Variants in C12orf50 observed in about 807,000 individuals in gnomAD.
C12orf50 encodes the protein zinc finger CCCH-type containing 11D.
In C12orf50, 35 loss-of-function variants were observed where a neutral mutation model predicts 61.6. That is an observed-to-expected ratio of 0.57 (90% CI 0.43 to 0.75). The LOEUF (loss-of-function observed/expected upper bound fraction) is 0.75. Among genes scored for constraint, C12orf50 ranks in the 30% least tolerant of loss-of-function variants. C12orf50 has a pLI of 0.00. For synonymous variants in C12orf50, 178 were observed against 161.5 expected, an observed-to-expected ratio of 1.10 and a Z score of -0.77; for missense variants, 475 against 488.5, an observed-to-expected ratio of 0.97 and a Z score of 0.26.
At chr12:88,023,626 C>T (rs1384840858) in intron 3 of C12orf50, among the ~76,000 whole-genome samples, 1 of 150,292 alleles carries the variant, frequency 6.7e-6, no homozygotes, top group Admixed American at 6.6e-5. Context: ...GGAGATCACA[C>T]CGTTGCACTC....
intron 11 of C12orf50, 140 bp from the exon 12 acceptor site, chr12:87,983,335 G>A (rs74825561): frequency 0.011 from 5,421 of 472,796 alleles, 248 homozygotes; most frequent in African/African-American, 0.1. Flanking sequence ...AGGCATCAGG[G>A]ATACAAGTGA....
At chr12:88,003,066 T>A (rs1226078647) in intron 3 of C12orf50, among the ~76,000 whole-genome samples, 3 of 151,864 alleles carry the variant, frequency 2.0e-5, no homozygotes, top group Non-Finnish European at 4.4e-5. Flanking sequence ...AATTGTATGT[T>A]TCTTAAAGGA....
intron 4 of C12orf50, 149 bp from the exon 5 acceptor site, chr12:87,996,795 T>C: frequency 1.7e-6 from 1 of 603,378 alleles, no homozygotes; most frequent in East Asian, 2.8e-5. Context: ...TACTAGTACA[T>C]GTTTCAAATT....
Position 87,994,541 on chromosome 12 carries a change from CA to C in C12orf50, c.592+91del, listed in dbSNP as rs146785448. On this transcript the variant is annotated intron_variant, in intron 7 of 12. Transcript: ENST00000298699. The stretch of plus-strand genomic sequence containing the variant: ...ACTCTTGTGTTAAACATGACATGGA[CA>C]AAAAAAGAAAATTAGTTGTAAAAGA... 15,801 of 1,023,372 alleles carry C rather than the reference CA, an allele frequency of 0.015. 1,274 individuals are homozygous for C. In the African/African-American group the frequency reaches 0.19, roughly 12 times the overall value. The allele number at this position is 1,023,372 out of a possible 1,614,324, so 63.4% of individuals were successfully genotyped here.
chr12:88,005,651 T>C (rs1294100956), intron 3 of C12orf50, among the ~76,000 whole-genome samples: 2 of 152,294 alleles, frequency 1.3e-5, no homozygotes, highest in Admixed American at 6.5e-5. Context: ...TATTTATTTA[T>C]TTTTTGGAGA....
intron 7 of C12orf50, among the ~76,000 whole-genome samples, chr12:87,993,766 C>A (rs2031245407): frequency 6.6e-6 from 1 of 152,202 alleles, no homozygotes; most frequent in African/African-American, 2.4e-5. Context: ...ATTTTCAAAA[C>A]AAACGCTTGG....
At chr12:88,021,984 T>A (rs572330231) in intron 3 of C12orf50, among the ~76,000 whole-genome samples, 7 of 151,194 alleles carry the variant, frequency 4.6e-5, no homozygotes, top group Non-Finnish European at 8.8e-5. Flanking sequence ...CCTCCCTAAC[T>A]CATTCTATGA....
chr12:87,998,065 C>T lies in C12orf50; in HGVS notation c.259G>A (p.Glu87Lys). 1 of 1,611,308 alleles carries T rather than the reference C, an allele frequency of 6.2e-7. No homozygotes were observed. Among genetic ancestry groups the T allele is most frequent in the African/African-American group, 1.3e-5 (1 of 74,962 alleles). Residue 87 changes from glutamate to lysine, a missense_variant, in exon 4 of 13, where the codon GAG becomes AAG. Glu to Lys is a moderately conservative substitution (Grantham distance 56, BLOSUM62 1). Transcript: ENST00000298699. ...TGTTCATCTACTTCCTCTTCTTCCT[C>T]AAAATTAGTTTTTAAAACTAAAGGA... ...HHPLVLKTNF[E>K]EEEEVDEQND...
intron 7 of C12orf50, among the ~76,000 whole-genome samples, chr12:87,991,369 G>T (rs1200576330): frequency 6.6e-6 from 1 of 152,088 alleles, no homozygotes; most frequent in African/African-American, 2.4e-5. Context: ...CAAACAGGAA[G>T]TTGCAAAAAA....
chr12:87,989,962 G>A (rs1213054927), intron 7 of C12orf50, among the ~76,000 whole-genome samples: 1 of 152,022 alleles, frequency 6.6e-6, no homozygotes, highest in African/African-American at 2.4e-5. Flanking sequence ...CCTTTACTGA[G>A]TACTTTAAAT....
chr12:87,987,955 T>G lies in C12orf50; in HGVS notation c.712A>C (p.Ser238Arg), dbSNP rs764331846. 6.3e-6 allele frequency: 10 copies of G among 1,593,524 alleles called. No homozygotes were observed. The highest frequency in any genetic ancestry group is 5.4e-5 in the African/African-American group (4 of 74,300). ...KCSNTKDNKDSPHPKHSLTTR... is the reference protein window; with the variant it reads ...KCSNTKDNKDRPHPKHSLTTR... ...GTTAGGGAATGCTTTGGATGAGGAC[T>G]GTCCTTGTTATCTTTTAAAGCAAAT... The change falls in exon 9 of 13, where the codon AGT becomes CGT. Residue 238 changes from serine to arginine, a missense_variant. Coordinates refer to ENST00000298699, the MANE Select transcript of C12orf50 (RefSeq NM_152589.3).
intron 11 of C12orf50, 48 bp downstream of exon 11, chr12:87,985,802 G>T (rs1184744360): frequency 6.3e-7 from 1 of 1,587,308 alleles, no homozygotes; most frequent in East Asian, 2.2e-5. Context: ...AATTCCATGG[G>T]AATGCAAACC....
chr12:88,008,652 C>A (rs1420472582), intron 3 of C12orf50, among the ~76,000 whole-genome samples: 1 of 152,004 alleles, frequency 6.6e-6, no homozygotes, highest in Non-Finnish European at 1.5e-5. Context: ...AAATATAACA[C>A]ATACACAGAA....
At chr12:88,017,169 A>C (rs1430707512) in intron 3 of C12orf50, among the ~76,000 whole-genome samples, 1 of 152,212 alleles carries the variant, frequency 6.6e-6, no homozygotes, top group Non-Finnish European at 1.5e-5. Context: ...CTTGAATTGT[A>C]ACTTCCCAAA....
chr12:88,026,899 T>G, intron 2 of C12orf50, 52 bp downstream of exon 2: 1 of 1,584,938 alleles, frequency 6.3e-7, no homozygotes, highest in Non-Finnish European at 8.6e-7. Flanking sequence ...TAATTCAGCA[T>G]TATTGAAGGG....
At chr12:87,996,802 A>G (rs574036665) in intron 4 of C12orf50, among the ~76,000 whole-genome samples, 156 bp from the exon 5 acceptor site, 1 of 152,330 alleles carries the variant, frequency 6.6e-6, no homozygotes, top group African/African-American at 2.4e-5. Flanking sequence ...ACATGTTTCA[A>G]ATTGCTACAT....
At chr12:88,016,085 C>G (rs2032300298) in intron 3 of C12orf50, among the ~76,000 whole-genome samples, 1 of 152,118 alleles carries the variant, frequency 6.6e-6, no homozygotes, top group Non-Finnish European at 1.5e-5. Context: ...GGCTCCAACT[C>G]ATCTACTTAA....
chr12:88,015,192 T>C (rs1368464736), intron 3 of C12orf50, among the ~76,000 whole-genome samples: 1 of 152,194 alleles, frequency 6.6e-6, no homozygotes, highest in African/African-American at 2.4e-5. Context: ...TTATAACCAT[T>C]ATGAATTGTC....
At chr12:88,020,446 C>T (rs1294431338) in intron 3 of C12orf50, among the ~76,000 whole-genome samples, 2 of 152,064 alleles carry the variant, frequency 1.3e-5, no homozygotes, top group Non-Finnish European at 2.9e-5. Context: ...AACATAAACA[C>T]ATTATACAAT....
Sources: allele counts gnomAD v4.1 joint callset (sites outside exome capture counted in the v4.1 genomes callset), GRCh38; gene constraint gnomAD v4.1.1; transcripts MANE v1.5; gene names NCBI Gene and HGNC (gene_info 2026-07-23, HGNC 2026-07-21).